The following TFDP1 variants were observed in gnomAD, a reference collection of about 807,000 sequenced individuals.
The protein encoded by TFDP1 is transcription factor Dp-1.
TFDP1 carries 6 observed loss-of-function variants against 48.0 expected under a neutral mutation model. The observed-to-expected ratio is 0.13, with a 90% confidence interval of 0.07 to 0.25. The LOEUF (loss-of-function observed/expected upper bound fraction) is 0.25, where lower values mean the gene tolerates loss of function less well. Ranked by LOEUF, TFDP1 falls within the 10% of genes least tolerant of loss-of-function variation. TFDP1 has a pLI of 1.00. For missense variants in TFDP1, 335 were observed against 543.0 expected (o/e 0.62, Z 3.81); for synonymous variants, 201 against 211.6 (o/e 0.95, Z 0.44).
chr13:113,636,242 G>T, intron 9 of TFDP1, 114 bp downstream of exon 9: 6 of 1,398,654 alleles, frequency 4.3e-6, no homozygotes, highest in Non-Finnish European at 5.9e-6. Flanking sequence ...AGCAAATGTT[G>T]CACAAATTGC....
At chr13:113,632,385 T>G (rs1465574031) in intron 5 of TFDP1, among the ~76,000 whole-genome samples, 1 of 152,252 alleles carries the variant, frequency 6.6e-6, no homozygotes, top group Non-Finnish European at 1.5e-5. Flanking sequence ...GCACCTGTTG[T>G]CAAGCGGCTG....
In TFDP1 at chr13:113,610,383, G is replaced by A. The variant is rs150078516; in HGVS notation, c.13-613G>A. Among the ~76,000 whole-genome samples, 498 of 151,706 alleles carry A rather than the reference G, an allele frequency of 3.3e-3. 2 individuals are homozygous for A. The highest frequency in any genetic ancestry group is 0.011 in the African/African-American group (473 of 41,300). On this transcript the variant is annotated intron_variant, in intron 2 of 11. Coordinates refer to ENST00000375370, the MANE Select transcript of TFDP1 (RefSeq NM_007111.5). ...GCTGTACCATCACACGTGTGACCCC[G>A]CTGTGTGGTTGTGCCATCATACGTG...
At chr13:113,640,037 G>A (rs1485692630) in intron 11 of TFDP1, 83 bp from the exon 12 acceptor site, 6 of 1,034,190 alleles carry the variant, frequency 5.8e-6, no homozygotes, top group East Asian at 2.5e-5. Context: ...GGCACAGCCT[G>A]TCATTTGACC....
intron 2 of TFDP1, among the ~76,000 whole-genome samples, chr13:113,591,872 C>T (rs1346993612): frequency 1.3e-5 from 2 of 152,224 alleles, no homozygotes; most frequent in Admixed American, 6.5e-5. Context: ...AGGTGTCTTA[C>T]TCAGATGATT....
chr13:113,625,358 C>T (rs1381039634), intron 4 of TFDP1, among the ~76,000 whole-genome samples: 5 of 127,228 alleles, frequency 3.9e-5, no homozygotes, highest in Non-Finnish European at 6.5e-5. Context: ...GCGTCTCTCA[C>T]GTGTCCTCAG....
In TFDP1 at chr13:113,586,912, G is replaced by T. The variant is rs11617870; in HGVS notation, c.12+1063G>T. Among the ~76,000 whole-genome samples, 42 of 152,234 alleles carry T rather than the reference G, an allele frequency of 2.8e-4. No individual in the cohort carries two copies. In the East Asian group the frequency reaches 8.0e-3, roughly 29 times the overall value. On this transcript the variant is annotated intron_variant, in intron 2 of 11. Transcript: ENST00000375370. ...TTTATCCTCTCCACTGTGCTTGTCC[G>T]TACCATGCCCTGACCTCGTGCGGGC...
At chr13:113,599,434 A>G (rs2048357901) in intron 2 of TFDP1, among the ~76,000 whole-genome samples, 1 of 152,178 alleles carries the variant, frequency 6.6e-6, no homozygotes, top group African/African-American at 2.4e-5. Context: ...GTTTGTTTGC[A>G]TTGGAGCCTC....
At chr13:113,586,971 CA>C (rs1193294788) in intron 2 of TFDP1, among the ~76,000 whole-genome samples, 2 of 152,224 alleles carry the variant, frequency 1.3e-5, no homozygotes, top group Admixed American at 6.5e-5. Context: ...GGCATGTGCT[CA>C]GCGCGCAAGC....
At chr13:113,613,987 AGT>A (rs771620612) in intron 3 of TFDP1, among the ~76,000 whole-genome samples, 44 of 146,488 alleles carry the variant, frequency 3.0e-4, no homozygotes, top group African/African-American at 1.0e-3. Context: ...ATGTGTTGTG[AGT>A]GTGCATGAGT....
chr13:113,638,422 C>T (rs1406534931), intron 11 of TFDP1, among the ~76,000 whole-genome samples: 2 of 151,886 alleles, frequency 1.3e-5, no homozygotes, highest in Non-Finnish European at 1.5e-5. Context: ...TCTGCCATCA[C>T]GGCGCACGTG....
chr13:113,602,811 G>C (rs2048471760), intron 2 of TFDP1, among the ~76,000 whole-genome samples: 1 of 152,072 alleles, frequency 6.6e-6, no homozygotes. Flanking sequence ...GTGATGTCGG[G>C]ACTGCAGGGC....
rs149924376 is a variant in TFDP1 at position 113,627,654 on chromosome 13, A to G, written c.187-3969A>G. The stretch of plus-strand genomic sequence containing the variant: ...GGAGTCCCCAACCCCTGGGCCTGTT[A>G]GGAAGCTGGCCGCACAGCCGCCTGA... On this transcript the variant is annotated intron_variant, in intron 4 of 11. Transcript: ENST00000375370. This position sits in a 1 kb window ranked among gnomAD's most constrained non-coding sequence, Gnocchi z 4.1. Among the ~76,000 whole-genome samples, 3 of 152,290 alleles carry G rather than the reference A, an allele frequency of 2.0e-5. No homozygotes were observed. In the East Asian group the frequency reaches 5.8e-4, roughly 29 times the overall value.
intron 2 of TFDP1, among the ~76,000 whole-genome samples, chr13:113,588,806 C>G (rs4545698): frequency 0.5 from 73,565 of 148,064 alleles, 20,538 homozygotes; most frequent in African/African-American, 0.78. Context: ...GACTCGGGGA[C>G]AGTGAGTGGT....
intron 4 of TFDP1, among the ~76,000 whole-genome samples, chr13:113,625,943 G>A (rs2049160576): frequency 7.0e-6 from 1 of 141,858 alleles, no homozygotes; most frequent in African/African-American, 2.7e-5. Flanking sequence ...TGTTTCTCAG[G>A]CGTCTCTCAC....
intron 2 of TFDP1, among the ~76,000 whole-genome samples, chr13:113,596,533 G>C (rs2048293593): frequency 6.6e-6 from 1 of 152,204 alleles, no homozygotes; most frequent in Admixed American, 6.5e-5. Context: ...CGGCCAGGTT[G>C]GGGAGGAGGA....
intron 3 of TFDP1, among the ~76,000 whole-genome samples, chr13:113,622,339 C>T (rs751546995): frequency 1.3e-5 from 2 of 152,196 alleles, no homozygotes; most frequent in Admixed American, 6.5e-5. Context: ...CCTGTGGGGC[C>T]GGTCCCTACA....
intron 10 of TFDP1, among the ~76,000 whole-genome samples, 171 bp downstream of exon 10, chr13:113,636,871 T>G (rs1566679265): frequency 6.7e-6 from 1 of 150,048 alleles, no homozygotes; most frequent in African/African-American, 2.5e-5. Context: ...GGGGTGTGGC[T>G]GGGGTGGGGT....
In TFDP1 at chr13:113,625,819, G is replaced by T. The variant is rs1171031465; in HGVS notation, c.186+2533G>T. Reference sequence around the variant, plus strand: ...TCTCACGTGTCCTCAGGTGTCTCACGCGTCCTCAGGTGTCTCACGCGTCCT... The same window carrying T: ...TCTCACGTGTCCTCAGGTGTCTCACTCGTCCTCAGGTGTCTCACGCGTCCT... On this transcript the variant is annotated intron_variant, in intron 4 of 11. Coordinates refer to ENST00000375370, the MANE Select transcript of TFDP1 (RefSeq NM_007111.5). Among the ~76,000 whole-genome samples, 3 of 131,824 alleles carry T rather than the reference G, an allele frequency of 2.3e-5. No individual in the cohort carries two copies. In the East Asian group the frequency reaches 7.6e-4, roughly 33 times the overall value. The allele number at this position is 131,824 out of a possible 152,430, so 86.5% of individuals were successfully genotyped here.
chr13:113,612,235 C>G (rs1375462382), intron 3 of TFDP1, among the ~76,000 whole-genome samples: 1 of 152,150 alleles, frequency 6.6e-6, no homozygotes, highest in Non-Finnish European at 1.5e-5. Context: ...CAGGTGTCTC[C>G]TTGGGGCCTG....
Sources: gnomAD v4.1 joint callset for allele counts (sites outside exome capture counted in the v4.1 genomes callset) on GRCh38, gnomAD v4.1.1 for gene constraint, Gnocchi (gnomAD v3.1) non-coding constraint, MANE v1.5 for transcripts, NCBI Gene and HGNC (gene_info 2026-07-23, HGNC 2026-07-21) for gene names.